The following DEFB134 variants were observed in gnomAD, a reference collection of about 807,000 sequenced individuals.
DEFB134 encodes the protein beta-defensin 134.
In DEFB134, 7 loss-of-function variants were observed where a neutral mutation model predicts 7.4. The observed-to-expected ratio is 0.95, with a 90% CI of 0.54 to 1.79. The LOEUF is 1.79. DEFB134 is among the 40% of genes most tolerant of loss of function. DEFB134 has a pLI of 0.00. For synonymous variants in DEFB134, 33 were observed against 25.0 expected (o/e 1.32, Z -0.96); for missense variants, 105 against 74.8 (o/e 1.40, Z -1.49).
intron 1 of DEFB134, among the ~76,000 whole-genome samples, chr8:11,995,918 A>G (rs1057059056): frequency 6.7e-6 from 1 of 149,804 alleles, no homozygotes; most frequent in Non-Finnish European, 1.5e-5. Flanking sequence ...CCATTTTTCA[A>G]ATGAAGAAAC....
chr8:11,998,426 G>C (rs1800181688), upstream of DEFB134, among the ~76,000 whole-genome samples: 1 of 149,894 alleles, frequency 6.7e-6, no homozygotes, highest in South Asian at 2.2e-4. Context: ...ACCCAAGCCT[G>C]GGTGATAGAG....
intron 1 of DEFB134, among the ~76,000 whole-genome samples, chr8:11,995,408 G>A (rs1421615409): frequency 6.6e-6 from 1 of 152,152 alleles, no homozygotes; most frequent in African/African-American, 2.4e-5. Context: ...AGTCCATCTA[G>A]GCAGATGAAC....
exon 2 of DEFB134, chr8:11,993,964 T>A (rs562733075): frequency 1.9e-6 from 3 of 1,609,628 alleles, no homozygotes; most frequent in Non-Finnish European, 2.5e-6. Flanking sequence ...TAGTGGCCAT[T>A]CATTGGTTTC....
upstream of DEFB134, among the ~76,000 whole-genome samples, chr8:12,000,136 T>C (rs1279048963): frequency 6.6e-6 from 1 of 152,260 alleles, no homozygotes; most frequent in Non-Finnish European, 1.5e-5. Flanking sequence ...CAGAAATGTA[T>C]TCTAGCCAAC....
upstream of DEFB134, among the ~76,000 whole-genome samples, chr8:11,997,960 C>G (rs1455258219): frequency 6.6e-6 from 1 of 152,196 alleles, no homozygotes; most frequent in Non-Finnish European, 1.5e-5. Context: ...AGATCAACCA[C>G]ATGCTTGGCC....
upstream of DEFB134, among the ~76,000 whole-genome samples, chr8:12,000,740 G>A (rs79929222): frequency 0.02 from 3,034 of 152,222 alleles, 94 homozygotes; most frequent in African/African-American, 0.066. Flanking sequence ...TTGTGCTGAT[G>A]TAAGATGATA....
chr8:11,997,665 A>G (rs958019868), upstream of DEFB134, among the ~76,000 whole-genome samples: 3 of 152,238 alleles, frequency 2.0e-5, no homozygotes, highest in African/African-American at 7.2e-5. Context: ...CAAAAAGAAG[A>G]CTTAACAATC....
At chr8:11,993,687 A>G in exon 2 of DEFB134, 1 of 275,292 alleles carries the variant, frequency 3.6e-6, no homozygotes, top group Non-Finnish European at 6.7e-6. Context: ...AATAATAAGA[A>G]TATCCTCTAT....
chr8:11,995,467 GA>G (rs1800093721), intron 1 of DEFB134, among the ~76,000 whole-genome samples: 1 of 152,180 alleles, frequency 6.6e-6, no homozygotes, highest in African/African-American at 2.4e-5. Flanking sequence ...GAATTTTCCA[GA>G]TGAGATTGCT....
upstream of DEFB134, chr8:11,999,336 G>T: frequency 9.0e-6 from 2 of 222,026 alleles, no homozygotes; most frequent in East Asian, 1.1e-4. Context: ...ACCTCAGAGA[G>T]GACATGCTCA....
chr8:12,000,611 CAAT>C (rs143754652), upstream of DEFB134, among the ~76,000 whole-genome samples: 461 of 152,204 alleles, frequency 3.0e-3, 4 homozygotes, highest in African/African-American at 0.011. Context: ...ATTTTAATAA[CAAT>C]AACTAATAAT....
upstream of DEFB134, among the ~76,000 whole-genome samples, chr8:11,997,267 T>C (rs997175038): frequency 6.6e-6 from 1 of 152,260 alleles, no homozygotes; most frequent in Non-Finnish European, 1.5e-5. Context: ...TTCCTTTTCA[T>C]TGCTGAGCAC....
upstream of DEFB134, among the ~76,000 whole-genome samples, chr8:11,997,196 T>C (rs1435451615): frequency 6.6e-6 from 1 of 152,216 alleles, no homozygotes; most frequent in African/African-American, 2.4e-5. Context: ...CTTGTTGGGT[T>C]TCTTTTACTC....
At chr8:11,998,191 G>A (rs573784538), upstream of DEFB134, among the ~76,000 whole-genome samples, 1 of 152,094 alleles carries the variant, frequency 6.6e-6, no homozygotes. Context: ...GCTCACACCT[G>A]TAACGCTAGC....
chr8:11,998,960 G>A (rs1235188040), upstream of DEFB134: 3 of 152,272 alleles, frequency 2.0e-5, no homozygotes, highest in African/African-American at 7.2e-5. Flanking sequence ...GCCTGGAAAA[G>A]TACAACCTCC....
exon 2 of DEFB134, chr8:11,993,994 T>C: frequency 1.2e-6 from 2 of 1,613,206 alleles, no homozygotes; most frequent in Middle Eastern, 1.7e-4. Flanking sequence ...GGTGCAGGAT[T>C]TCCTTTGACA....
exon 1 of DEFB134, chr8:11,996,285 G>A: frequency 3.7e-6 from 6 of 1,611,592 alleles, no homozygotes; most frequent in Non-Finnish European, 5.1e-6. Context: ...GCTAGTGGCA[G>A]GGTCTGACAT....
chr8:11,998,397 G>C (rs1245992356), upstream of DEFB134, among the ~76,000 whole-genome samples: 1 of 151,858 alleles, frequency 6.6e-6, no homozygotes, highest in Non-Finnish European at 1.5e-5. Context: ...ACTACAGTAA[G>C]CTGTGGTTGT....
upstream of DEFB134, among the ~76,000 whole-genome samples, chr8:11,998,756 G>T (rs944816548): frequency 6.6e-6 from 1 of 152,008 alleles, no homozygotes; most frequent in Non-Finnish European, 1.5e-5. Flanking sequence ...CCAAAAGTTG[G>T]CTCTTTAAAA....
Sources: gnomAD v4.1 joint callset for allele counts (sites outside exome capture counted in the v4.1 genomes callset) on GRCh38, gnomAD v4.1.1 for gene constraint, MANE v1.5 for transcripts, NCBI Gene and HGNC (gene_info 2026-07-23, HGNC 2026-07-21) for gene names.